Variants in XXYLT1 observed in about 807,000 individuals in gnomAD.
The protein encoded by XXYLT1 is xyloside xylosyltransferase 1.
A neutral mutation model predicts 28.9 loss-of-function variants in XXYLT1; 20 were observed. The observed-to-expected ratio is 0.69, with a 90% CI of 0.49 to 1.00. XXYLT1 has a LOEUF of 1.00. XXYLT1 is among the 50% of genes least tolerant of loss of function. The pLI is 0.00. For synonymous variants in XXYLT1, 257 were observed against 253.8 expected (o/e 1.01, Z -0.12); for missense variants, 542 against 560.1 (o/e 0.97, Z 0.33).
At chr3:195,079,650 G>A (rs1241687572) in intron 3 of XXYLT1, among the ~76,000 whole-genome samples, 1 of 152,178 alleles carries the variant, frequency 6.6e-6, no homozygotes, top group Non-Finnish European at 1.5e-5. Context: ...AGAATTGCCA[G>A]GCAGAAGAGC....
chr3:195,104,189 TGAG>T (rs1716961063), intron 3 of XXYLT1, among the ~76,000 whole-genome samples: 1 of 146,274 alleles, frequency 6.8e-6, no homozygotes, highest in Non-Finnish European at 1.5e-5. Flanking sequence ...ATGACGGTGA[TGAG>T]GGCTCCGTGT....
chr3:195,171,941 C>T (rs879476520), intron 2 of XXYLT1, among the ~76,000 whole-genome samples: 31 of 152,264 alleles, frequency 2.0e-4, no homozygotes, highest in South Asian at 4.1e-4. Context: ...TAAAAGAATT[C>T]CCAAGTGATT....
intron 3 of XXYLT1, among the ~76,000 whole-genome samples, chr3:195,103,244 A>T (rs1256565565): frequency 6.6e-6 from 1 of 152,244 alleles, no homozygotes; most frequent in Non-Finnish European, 1.5e-5. Flanking sequence ...GGCCTAGTTT[A>T]GTTAATGCTG....
chr3:195,247,591 C>G (rs928460798), intron 1 of XXYLT1, among the ~76,000 whole-genome samples: 2 of 152,226 alleles, frequency 1.3e-5, no homozygotes, highest in Non-Finnish European at 2.9e-5. Context: ...TCCTGGCTCT[C>G]TGGGTTGGGG....
intron 1 of XXYLT1, among the ~76,000 whole-genome samples, chr3:195,235,797 A>T (rs1346667425): frequency 1.3e-5 from 2 of 152,172 alleles, no homozygotes; most frequent in Non-Finnish European, 2.9e-5. Context: ...CACCACCTTG[A>T]TGGTCTTAGA....
chr3:195,172,337 T>G (rs1392355203), intron 2 of XXYLT1, among the ~76,000 whole-genome samples: 1 of 152,132 alleles, frequency 6.6e-6, no homozygotes, highest in African/African-American at 2.4e-5. Context: ...GGAAAAACAC[T>G]GCCCCAAGAA....
At chr3:195,269,676 C>A (rs1051784971) in intron 1 of XXYLT1, among the ~76,000 whole-genome samples, 10 of 152,342 alleles carry the variant, frequency 6.6e-5, no homozygotes, top group Non-Finnish European at 1.2e-4. Context: ...CCTGTCTCAG[C>A]ATGCTTCCCC....
chr3:195,096,409 A>C (rs571202098), intron 3 of XXYLT1, among the ~76,000 whole-genome samples: 1 of 152,314 alleles, frequency 6.6e-6, no homozygotes, highest in South Asian at 2.1e-4. Flanking sequence ...CCCAACACAC[A>C]CACGTATATA....
Position 195,074,313 on chromosome 3 carries a change from G to A in XXYLT1, c.786-4202C>T, listed in dbSNP as rs967834722. Among the ~76,000 whole-genome samples, 6 of 152,184 alleles carry A rather than the reference G, an allele frequency of 3.9e-5. No individual in the cohort carries two copies. In the East Asian group the frequency reaches 5.8e-4, roughly 15 times the overall value. Reference sequence around the variant, plus strand: ...GATTCAGCACACGGCCTCGCAAGGCGTACCTCTGGGGCGTCCTTCAGCCTT... The same window carrying A: ...GATTCAGCACACGGCCTCGCAAGGCATACCTCTGGGGCGTCCTTCAGCCTT... On this transcript the variant is annotated intron_variant, in intron 3 of 3. Transcript: ENST00000310380.
intron 3 of XXYLT1, chr3:195,148,051 A>G (rs1719962263): frequency 6.6e-6 from 1 of 152,146 alleles, no homozygotes; most frequent in Non-Finnish European, 1.5e-5. Context: ...TATGCGCCCG[A>G]GTCTTGGGAC....
intron 3 of XXYLT1, among the ~76,000 whole-genome samples, chr3:195,155,701 C>CT (rs1720549845): frequency 6.6e-6 from 1 of 151,748 alleles, no homozygotes; most frequent in Non-Finnish European, 1.5e-5. Context: ...CATCACCCCC[C>CT]TTCTCCTTTC....
chr3:195,205,904 T>C (rs1261947153), intron 2 of XXYLT1, among the ~76,000 whole-genome samples: 2 of 152,114 alleles, frequency 1.3e-5, no homozygotes, highest in African/African-American at 4.8e-5. Flanking sequence ...ATCCTGGTTG[T>C]TGTATTTGCT....
chr3:195,148,555 C>T (rs527493984), intron 3 of XXYLT1, among the ~76,000 whole-genome samples: 2 of 152,246 alleles, frequency 1.3e-5, no homozygotes, highest in South Asian at 2.1e-4. Context: ...TTATGCATCT[C>T]GTAATGAGGG....
intron 3 of XXYLT1, among the ~76,000 whole-genome samples, chr3:195,083,803 A>T (rs1393532199): frequency 2.0e-5 from 3 of 152,196 alleles, no homozygotes; most frequent in Non-Finnish European, 4.4e-5. Context: ...AGGAAAGCAG[A>T]TCACTTGCAG....
In XXYLT1 at chr3:195,119,764, C is replaced by A. The variant is rs138932194; in HGVS notation, c.785+36685G>T. 2.5e-3 allele frequency among the ~76,000 whole-genome samples: 388 copies of A among 152,306 alleles called. 3 individuals carry two copies. Among genetic ancestry groups the A allele is most frequent in the Non-Finnish European group, 4.0e-3 (273 of 68,032 alleles). ...CATACGGCACAAACATCACAAACAT[C>A]TTTTAACCACCCTGTGTTTTCCTAG... On this transcript the variant is annotated intron_variant, in intron 3 of 3. Coordinates refer to ENST00000310380, the MANE Select transcript of XXYLT1 (RefSeq NM_152531.5).
At chr3:195,171,821 C>A (rs1008885285) in intron 2 of XXYLT1, among the ~76,000 whole-genome samples, 3 of 152,188 alleles carry the variant, frequency 2.0e-5, no homozygotes, top group African/African-American at 7.2e-5. Flanking sequence ...TGCCTCTGTG[C>A]AATTCATACA....
At chr3:195,128,122 T>C (rs373337855) in intron 3 of XXYLT1, among the ~76,000 whole-genome samples, 40 of 152,242 alleles carry the variant, frequency 2.6e-4, no homozygotes, top group African/African-American at 9.4e-4. Context: ...GCCACACCAC[T>C]GGTGGGAGGC....
chr3:195,145,482 A>G (rs1719791366), intron 3 of XXYLT1, among the ~76,000 whole-genome samples: 1 of 147,236 alleles, frequency 6.8e-6, no homozygotes, highest in South Asian at 2.1e-4. Context: ...AGCCACATGA[A>G]TGGGCACCTC....
intron 3 of XXYLT1, chr3:195,134,667 G>A (rs549130643): frequency 4.7e-4 from 74 of 156,064 alleles, no homozygotes; most frequent in African/African-American, 1.3e-3. Flanking sequence ...GAAGGGACTC[G>A]GAGAAAGCTA....
Sources: allele counts gnomAD v4.1 joint callset (sites outside exome capture counted in the v4.1 genomes callset), GRCh38; gene constraint gnomAD v4.1.1; transcripts MANE v1.5; gene names NCBI Gene and HGNC (gene_info 2026-07-23, HGNC 2026-07-21).